Variants in KCNQ3 observed in about 807,000 individuals in gnomAD.
KCNQ3 encodes the protein potassium voltage-gated channel subfamily KQT member 3.
In KCNQ3, 30 loss-of-function variants were observed where a neutral mutation model predicts 92.5. The ratio of observed to expected loss-of-function variants is 0.32; its 90% CI spans 0.24 to 0.44. The LOEUF (loss-of-function observed/expected upper bound fraction) is 0.44, where lower values mean the gene tolerates loss of function less well. Ranked by LOEUF, KCNQ3 falls within the 20% of genes least tolerant of loss-of-function variation. KCNQ3 has a pLI of 1.00. For missense variants in KCNQ3, 913 were observed against 1,140.3 expected, an observed-to-expected ratio of 0.80 and a Z score of 2.87; for synonymous variants, 450 against 468.8, an observed-to-expected ratio of 0.96 and a Z score of 0.52.
intron 1 of KCNQ3, among the ~76,000 whole-genome samples, chr8:132,220,000 T>C (rs1469434043): frequency 3.9e-5 from 6 of 152,080 alleles, no homozygotes; most frequent in Admixed American, 3.9e-4. Flanking sequence ...ACCTTGATGA[T>C]ATATTTTTTT....
In KCNQ3 at chr8:132,278,400, A is replaced by G. The variant is rs996458190; in HGVS notation, c.387-92219T>C. Among the ~76,000 whole-genome samples the G allele has an allele frequency of 3.1e-4, 47 of 152,192 alleles. 1 individual carries two copies. The highest frequency in any genetic ancestry group is 1.0e-3 in the African/African-American group (42 of 41,456). ...ACATCTACCAGTGCTGCGTCGACACATGCTTCCTGGTATTCCTGTCTGAAA... is the reference window on the plus strand; with the variant it reads ...ACATCTACCAGTGCTGCGTCGACACGTGCTTCCTGGTATTCCTGTCTGAAA... On this transcript the variant is annotated intron_variant, in intron 1 of 14. Coordinates refer to ENST00000388996, the MANE Select transcript of KCNQ3 (RefSeq NM_004519.4).
chr8:132,211,721 G>T (rs551652644), intron 1 of KCNQ3, among the ~76,000 whole-genome samples: 1 of 152,080 alleles, frequency 6.6e-6, no homozygotes, highest in African/African-American at 2.4e-5. Context: ...GGGAGGCCAA[G>T]GCGGGTGGAT....
At chr8:132,300,471 G>A (rs1817179772) in intron 1 of KCNQ3, among the ~76,000 whole-genome samples, 1 of 152,162 alleles carries the variant, frequency 6.6e-6, no homozygotes, top group South Asian at 2.1e-4. Context: ...GTCAGAATGT[G>A]GCACATTTTA....
intron 1 of KCNQ3, among the ~76,000 whole-genome samples, chr8:132,297,045 G>T (rs1411288099): frequency 1.3e-5 from 2 of 151,432 alleles, no homozygotes; most frequent in East Asian, 3.9e-4. Context: ...ATCCTCTCCA[G>T]CATCTGTTGT....
At chr8:132,390,823 T>C (rs967690827) in intron 1 of KCNQ3, among the ~76,000 whole-genome samples, 2 of 152,224 alleles carry the variant, frequency 1.3e-5, no homozygotes, top group African/African-American at 4.8e-5. Context: ...GGTATCTTTA[T>C]AATAATAAAG....
intron 1 of KCNQ3, among the ~76,000 whole-genome samples, chr8:132,303,870 A>ATACACACATG (rs1817335102): frequency 1.3e-5 from 2 of 149,660 alleles, no homozygotes; most frequent in African/African-American, 4.9e-5. Context: ...ATACACACAT[A>ATACACACATG]TATATACACA....
intron 1 of KCNQ3, among the ~76,000 whole-genome samples, chr8:132,380,374 T>C (rs143855379): frequency 4.6e-5 from 7 of 152,330 alleles, no homozygotes; most frequent in African/African-American, 1.7e-4. Context: ...GGCTACTTTA[T>C]AGATATGGTC....
At chr8:132,244,920 C>CAAAAAA (rs35215337) in intron 1 of KCNQ3, among the ~76,000 whole-genome samples, 1 of 112,376 alleles carries the variant, frequency 8.9e-6, no homozygotes, top group Non-Finnish European at 1.7e-5. Flanking sequence ...CTCACTTGAC[C>CAAAAAA]AAAAAAAAAA....
intron 9 of KCNQ3, among the ~76,000 whole-genome samples, chr8:132,154,990 T>C (rs1436321612): frequency 6.6e-6 from 1 of 152,206 alleles, no homozygotes; most frequent in Non-Finnish European, 1.5e-5. Context: ...TTCAGTTCAG[T>C]GTAAATCTAC....
intron 12 of KCNQ3, 148 bp from the exon 13 acceptor site, chr8:132,134,536 GGAGGAGAGGAGAAGT>G (rs2130932145): frequency 6.3e-6 from 4 of 631,334 alleles, no homozygotes; most frequent in East Asian, 5.7e-5. Flanking sequence ...AGAGGAGAGG[GGAGGAGAGGAGAAGT>G]GAGGAGAGGA....
intron 9 of KCNQ3, among the ~76,000 whole-genome samples, chr8:132,163,171 A>T (rs1043567314): frequency 9.2e-5 from 14 of 152,204 alleles, no homozygotes; most frequent in African/African-American, 3.4e-4. Context: ...ACAAGGGATG[A>T]TATTAGGGCC....
chr8:132,242,592 T>C (rs894348877), intron 1 of KCNQ3, among the ~76,000 whole-genome samples: 1 of 152,228 alleles, frequency 6.6e-6, no homozygotes, highest in African/African-American at 2.4e-5. Flanking sequence ...TTCTGGACTA[T>C]GTAAGTGATA....
In KCNQ3 at chr8:132,129,585, G is replaced by A. The variant is rs758264633; in HGVS notation, c.2296C>T (p.Leu766=). ...ATTCGGTCCGAGTAGGGGCCCTGCA[G>A]GTCAGCCTGGGAGTGGCAGCTCACT... ...SRVSCHSQAD[L]QGPYSDRISP... Residue 766 remains leucine (L), a synonymous_variant, in exon 15 of 15, where the codon CTG becomes TTG. Coordinates refer to ENST00000388996, the MANE Select transcript of KCNQ3 (RefSeq NM_004519.4). The surrounding 1 kb of genome is among the most constrained non-coding windows in gnomAD (Gnocchi z 5.9). The A allele has an allele frequency of 6.2e-7, 1 of 1,614,204 alleles. No individual in the cohort carries two copies. Among genetic ancestry groups the A allele is most frequent in the Non-Finnish European group, 8.5e-7 (1 of 1,180,042 alleles).
intron 1 of KCNQ3, among the ~76,000 whole-genome samples, chr8:132,262,627 T>C (rs1815824803): frequency 8.2e-6 from 1 of 121,224 alleles, no homozygotes; most frequent in African/African-American, 2.8e-5. Context: ...TGGAATTTCT[T>C]ACAGCAGTTT....
chr8:132,248,605 A>G (rs1815270925), intron 1 of KCNQ3, among the ~76,000 whole-genome samples: 1 of 152,160 alleles, frequency 6.6e-6, no homozygotes, highest in Admixed American at 6.5e-5. Flanking sequence ...TATTTCATTT[A>G]ATAGCAGCAC....
intron 1 of KCNQ3, among the ~76,000 whole-genome samples, chr8:132,354,749 A>G (rs554678642): frequency 1.3e-4 from 20 of 152,364 alleles, no homozygotes; most frequent in South Asian, 8.3e-4. Context: ...CCATTCTGCC[A>G]TATAGATCTT....
chr8:132,221,999 G>C (rs1416592287), intron 1 of KCNQ3, among the ~76,000 whole-genome samples: 1 of 152,190 alleles, frequency 6.6e-6, no homozygotes, highest in Non-Finnish European at 1.5e-5. Context: ...TTAGGACATA[G>C]GCATGGGCAA....
At chr8:132,476,866 G>A (rs1009383378) in intron 1 of KCNQ3, among the ~76,000 whole-genome samples, 10 of 152,224 alleles carry the variant, frequency 6.6e-5, no homozygotes, top group Non-Finnish European at 7.4e-5. Flanking sequence ...ATATGTTTTC[G>A]CTCTGTGTCC....
chr8:132,352,585 T>C (rs1304031599), intron 1 of KCNQ3, among the ~76,000 whole-genome samples: 1 of 152,180 alleles, frequency 6.6e-6, no homozygotes, highest in African/African-American at 2.4e-5. Flanking sequence ...CAGGGAGGTG[T>C]TCCTTAGCTC....
Sources: gnomAD v4.1 joint callset for allele counts (sites outside exome capture counted in the v4.1 genomes callset) on GRCh38, gnomAD v4.1.1 for gene constraint, Gnocchi (gnomAD v3.1) non-coding constraint, MANE v1.5 for transcripts, NCBI Gene and HGNC (gene_info 2026-07-23, HGNC 2026-07-21) for gene names.